The following FGF12 variants were observed in gnomAD, a reference collection of about 807,000 sequenced individuals.
FGF12 encodes fibroblast growth factor 12B.
Under a neutral mutation model 23.6 loss-of-function variants are expected in FGF12, and 14 were observed. The observed-to-expected ratio is 0.59, with a 90% CI of 0.39 to 0.93. The LOEUF (loss-of-function observed/expected upper bound fraction) is 0.93, where lower values mean the gene tolerates loss of function less well. Among genes scored for constraint, FGF12 ranks in the 40% least tolerant of loss-of-function variants. The probability of loss-of-function intolerance (pLI) is 0.00; values close to 1 mark genes in which losing one functional copy is unlikely to be tolerated. For synonymous variants in FGF12, 62 were observed against 77.3 expected, an observed-to-expected ratio of 0.80 and a Z score of 1.04; for missense variants, 175 against 217.8, an observed-to-expected ratio of 0.80 and a Z score of 1.24.
At chr3:192,213,368 T>C (rs1718033603) in intron 4 of FGF12, among the ~76,000 whole-genome samples, 1 of 152,222 alleles carries the variant, frequency 6.6e-6, no homozygotes, top group Non-Finnish European at 1.5e-5. Flanking sequence ...GAACACCTTC[T>C]ACTTGTTTGA....
intron 2 of FGF12, among the ~76,000 whole-genome samples, chr3:192,676,727 A>C (rs1717339089): frequency 6.6e-6 from 1 of 152,170 alleles, no homozygotes; most frequent in Admixed American, 6.5e-5. Context: ...TTACATGCAA[A>C]TATACACACA....
At chr3:192,406,754 C>T (rs1479056671) in intron 2 of FGF12, among the ~76,000 whole-genome samples, 3 of 152,164 alleles carry the variant, frequency 2.0e-5, no homozygotes, top group Non-Finnish European at 4.4e-5. Flanking sequence ...AACAGGGTCG[C>T]TTCTTCACAA....
At chr3:192,204,207 T>G (rs976315876) in intron 4 of FGF12, among the ~76,000 whole-genome samples, 2 of 152,116 alleles carry the variant, frequency 1.3e-5, no homozygotes, top group African/African-American at 2.4e-5. Context: ...ACGGCAGATC[T>G]GAGCAAAAAG....
chr3:192,159,976 GTGTA>G lies in FGF12; in HGVS notation c.427+10478_427+10481del, dbSNP rs1348859248. Among the ~76,000 whole-genome samples the G allele has an allele frequency of 6.1e-4, 87 of 141,790 alleles. 1 individual carries two copies. The highest frequency in any genetic ancestry group is 2.5e-3 in the African/African-American group (85 of 34,224). 93.0% of individuals were successfully genotyped at this position (141,790 alleles called of 152,430 possible). A position where few individuals can be genotyped will look rare whatever the true frequency, so the allele number is the denominator to read the frequency against. The stretch of plus-strand genomic sequence containing the variant: ...TGTGTGTGTGTGTGTGTGTGTGTGT[GTGTA>G]CACATTTCAGCACACAGACCCATTA... On this transcript the variant is annotated intron_variant, in intron 5 of 5. Coordinates refer to ENST00000445105, the MANE Select transcript of FGF12 (RefSeq NM_004113.6).
intron 2 of FGF12, among the ~76,000 whole-genome samples, chr3:192,421,957 C>A (rs1035920196): frequency 2.0e-5 from 3 of 152,062 alleles, no homozygotes; most frequent in Non-Finnish European, 4.4e-5. Context: ...ATGAAGATGT[C>A]TATTAACTGG....
intron 2 of FGF12, among the ~76,000 whole-genome samples, chr3:192,457,235 G>C (rs1174034351): frequency 1.3e-5 from 2 of 152,216 alleles, no homozygotes; most frequent in Non-Finnish European, 2.9e-5. Flanking sequence ...TGCTAATACA[G>C]TAAATTGGTA....
At chr3:192,430,877 A>G (rs777248570) in intron 2 of FGF12, among the ~76,000 whole-genome samples, 1 of 152,156 alleles carries the variant, frequency 6.6e-6, no homozygotes. Flanking sequence ...TTGGGAGCAT[A>G]ATTGTTATTG....
intron 4 of FGF12, among the ~76,000 whole-genome samples, chr3:192,173,002 C>A (rs1465087514): frequency 6.6e-6 from 1 of 150,774 alleles, no homozygotes; most frequent in Non-Finnish European, 1.5e-5. Flanking sequence ...AAGGATGAAC[C>A]TCATACACAT....
At chr3:192,260,744 T>G (rs1324679952) in intron 4 of FGF12, among the ~76,000 whole-genome samples, 1 of 152,042 alleles carries the variant, frequency 6.6e-6, no homozygotes, top group Admixed American at 6.6e-5. Flanking sequence ...GGCTGAGAGG[T>G]GTTATCTCTC....
intron 2 of FGF12, among the ~76,000 whole-genome samples, chr3:192,680,699 T>C (rs1717495960): frequency 6.6e-6 from 1 of 152,242 alleles, no homozygotes. Flanking sequence ...CCATAGCATC[T>C]ACATTTATAA....
At chr3:192,210,146 G>A (rs556636241) in intron 4 of FGF12, among the ~76,000 whole-genome samples, 6 of 152,142 alleles carry the variant, frequency 3.9e-5, no homozygotes, top group Admixed American at 6.6e-5. Flanking sequence ...AAAACATAGT[G>A]AGCATTGCCC....
chr3:192,378,058 C>CT lies in FGF12; in HGVS notation c.14-17521dup, dbSNP rs1177642723. On this transcript the variant is annotated intron_variant, in intron 2 of 5. Coordinates refer to ENST00000445105, the MANE Select transcript of FGF12 (RefSeq NM_004113.6). ...TCTTTCTTTCTTTCTTTCTTTCTTT[C>CT]TTTCTTTCTTTCTTTCTTTCTTTCT... is the stretch of plus-strand genomic sequence containing the variant. 1.8e-5 allele frequency among the ~76,000 whole-genome samples: 2 copies of CT among 110,996 alleles called. 1 individual carries two copies. Among genetic ancestry groups the CT allele is most frequent in the African/African-American group, 1.1e-4 (2 of 18,926 alleles). The allele number at this position is 110,996 out of a possible 152,430, so 72.8% of individuals were successfully genotyped here.
At chr3:192,280,887 T>C (rs1163104886) in intron 4 of FGF12, among the ~76,000 whole-genome samples, 1 of 152,186 alleles carries the variant, frequency 6.6e-6, no homozygotes, top group Non-Finnish European at 1.5e-5. Context: ...AGGTCTGTCT[T>C]AAAAATGTAA....
intron 2 of FGF12, among the ~76,000 whole-genome samples, chr3:192,671,801 A>C (rs1717132929): frequency 6.6e-6 from 1 of 151,522 alleles, no homozygotes; most frequent in Admixed American, 6.6e-5. Context: ...ACACACACAC[A>C]CATACACACA....
chr3:192,592,373 CT>C (rs1416042582), intron 2 of FGF12, among the ~76,000 whole-genome samples: 1 of 151,882 alleles, frequency 6.6e-6, no homozygotes, highest in East Asian at 1.9e-4. Context: ...TATTTGTCTA[CT>C]GCCACCAGCA....
rs189254937 is a variant in FGF12, at chr3:192,587,536, T to C, written c.13+139645A>G. The stretch of plus-strand genomic sequence containing the variant: ...AATCAACTCAAGATACTCTCCCAGG[T>C]TGGGCATGGTGGTTCATGTTTGTAA... On this transcript the variant is annotated intron_variant, in intron 2 of 5. Coordinates refer to ENST00000445105, the MANE Select transcript of FGF12 (RefSeq NM_004113.6). Among the ~76,000 whole-genome samples, 192 of 151,978 alleles carry C rather than the reference T, an allele frequency of 1.3e-3. 1 individual carries two copies. The highest frequency in any genetic ancestry group is 4.3e-3 in the African/African-American group (178 of 41,524).
intron 4 of FGF12, among the ~76,000 whole-genome samples, chr3:192,221,882 T>C (rs959400894): frequency 6.6e-6 from 1 of 152,102 alleles, no homozygotes; most frequent in Non-Finnish European, 1.5e-5. Flanking sequence ...CAAGGTTATA[T>C]GGTGTGAGGA....
At chr3:192,630,025 T>C (rs1715323604) in intron 2 of FGF12, among the ~76,000 whole-genome samples, 1 of 152,104 alleles carries the variant, frequency 6.6e-6, no homozygotes, top group South Asian at 2.1e-4. Flanking sequence ...GGTGATTGGA[T>C]CATGGGGTGG....
At chr3:192,167,772 A>ATATATTTTTTTTTTT (rs1715302128) in intron 5 of FGF12, among the ~76,000 whole-genome samples, 1 of 15,394 alleles carries the variant, frequency 6.5e-5, no homozygotes, top group African/African-American at 2.2e-4. Context: ...TATATATAAA[A>ATATATTTTTTTTTTT]TTTTTTTTTT....
Sources: allele counts gnomAD v4.1 joint callset (sites outside exome capture counted in the v4.1 genomes callset), GRCh38; gene constraint gnomAD v4.1.1; transcripts MANE v1.5; gene names NCBI Gene and HGNC (gene_info 2026-07-23, HGNC 2026-07-21).